The following DNAH7 variants were observed in gnomAD, a reference collection of about 807,000 sequenced individuals.
DNAH7 encodes dynein axonemal heavy chain 7, also known as axonemal beta dynein heavy chain 7.
Under a neutral mutation model 444.6 loss-of-function variants are expected in DNAH7, and 397 were observed. That is an observed-to-expected ratio of 0.89 (90% CI 0.82 to 0.97). The LOEUF (loss-of-function observed/expected upper bound fraction) is 0.97, where lower values mean the gene tolerates loss of function less well. Among genes scored for constraint, DNAH7 ranks in the 50% least tolerant of loss-of-function variants. The probability of loss-of-function intolerance (pLI) is 0.00; values close to 1 mark genes in which losing one functional copy is unlikely to be tolerated. For missense variants in DNAH7, 4,902 were observed against 4,800.8 expected (o/e 1.02, Z -0.62); for synonymous variants, 1,636 against 1,624.4 (o/e 1.01, Z -0.17).
intron 27 of DNAH7, chr2:195,903,716 A>C (rs1337171055): frequency 6.6e-6 from 1 of 152,186 alleles, no homozygotes; most frequent in Non-Finnish European, 1.5e-5. Context: ...TGCAAAGGAA[A>C]TGTCTACAAC....
At chr2:196,060,668 G>A (rs1698086394) in intron 1 of DNAH7, among the ~76,000 whole-genome samples, 1 of 152,054 alleles carries the variant, frequency 6.6e-6, no homozygotes, top group Admixed American at 6.6e-5. Context: ...TCTAGCAATT[G>A]CCCGATTTTT....
intron 8 of DNAH7, among the ~76,000 whole-genome samples, chr2:196,020,150 T>C (rs1695286513): frequency 1.3e-5 from 2 of 151,490 alleles, no homozygotes; most frequent in African/African-American, 4.9e-5. Context: ...GAATTCAGTA[T>C]ATAATACATA....
Position 195,864,708 on chromosome 2 carries a change from A to C in DNAH7, c.6947T>G (p.Phe2316Cys), listed in dbSNP as rs1180646718. 1 of 1,614,194 alleles carries C rather than the reference A, an allele frequency of 6.2e-7. No homozygotes were observed. The highest frequency in any genetic ancestry group is 1.7e-5 in the Admixed American group (1 of 60,024). The change falls in exon 41 of 65, where the codon TTT (phenylalanine) becomes TGT (cysteine). Residue 2316 changes from phenylalanine to cysteine, a missense_variant. Phe to Cys is a radical substitution (Grantham distance 205). Coordinates refer to ENST00000312428, the MANE Select transcript of DNAH7 (RefSeq NM_018897.3). ...ISKKPMNLVL[F>C]RFAIEHISRI... ...GCTGATGTGCTCTATGGCAAATCGA[A>C]ACAAGACAAGGTTCATGGGTTTTTT...
intron 10 of DNAH7, among the ~76,000 whole-genome samples, chr2:196,010,709 G>A (rs1319980924): frequency 1.3e-5 from 2 of 152,108 alleles, no homozygotes; most frequent in African/African-American, 4.8e-5. Context: ...AGAAAATATA[G>A]TGTGTGTATG....
rs746846358 is a variant in DNAH7, at chr2:195,864,829, G to T, written c.6826C>A (p.Pro2276Thr). The T allele has an allele frequency of 1.2e-6, 2 of 1,614,158 alleles. No homozygotes were observed. Among genetic ancestry groups the T allele is most frequent in the Middle Eastern group, 1.6e-4 (1 of 6,062 alleles). Residue 2276 changes from proline to threonine, a missense_variant, in exon 41 of 65, where the codon CCC becomes ACC. By Grantham distance (38) the Pro-to-Thr change is conservative. Transcript: ENST00000312428. ...RSLMFCDFHD[P>T]KREDTNYREI... ...CTGTAGTTGGTATCCTCCCTCTTGG[G>T]ATCATGGAAATCACAAAACATTAAG...
intron 24 of DNAH7, among the ~76,000 whole-genome samples, chr2:195,914,462 G>T (rs1687547657): frequency 6.6e-6 from 1 of 152,210 alleles, no homozygotes; most frequent in Non-Finnish European, 1.5e-5. Flanking sequence ...TTCTTCAAGT[G>T]ATTGGGCCTG....
intron 27 of DNAH7, chr2:195,904,033 C>T (rs1686866639): frequency 6.6e-6 from 1 of 152,192 alleles, no homozygotes; most frequent in South Asian, 2.1e-4. Flanking sequence ...TAAGTGCTGC[C>T]CTACATACCT....
intron 21 of DNAH7, among the ~76,000 whole-genome samples, chr2:195,933,302 G>A (rs564497194): frequency 6.6e-6 from 1 of 152,306 alleles, no homozygotes; most frequent in East Asian, 1.9e-4. Context: ...CTGTTGGCGG[G>A]ACTGTAAACT....
chr2:195,818,437 G>A (rs1697320042), intron 49 of DNAH7, among the ~76,000 whole-genome samples: 2 of 152,084 alleles, frequency 1.3e-5, no homozygotes, highest in African/African-American at 4.8e-5. Context: ...GGACCTAATT[G>A]CTCTTACAGG....
intron 7 of DNAH7, among the ~76,000 whole-genome samples, chr2:196,026,495 T>A (rs1033797522): frequency 6.6e-6 from 1 of 152,188 alleles, no homozygotes; most frequent in Non-Finnish European, 1.5e-5. Flanking sequence ...ATAAATATCT[T>A]GAGGGATTGA....
chr2:196,050,878 A>G (rs1174718214), intron 3 of DNAH7, among the ~76,000 whole-genome samples: 1 of 152,248 alleles, frequency 6.6e-6, no homozygotes, highest in Non-Finnish European at 1.5e-5. Context: ...CAAAGGGCAC[A>G]GAGCCATTAG....
chr2:195,881,938 G>A lies in DNAH7; in HGVS notation c.5818C>T (p.Pro1940Ser), dbSNP rs754916836. 2.5e-6 allele frequency: 4 copies of A among 1,613,866 alleles called. No individual in the cohort carries two copies. In the East Asian group the frequency reaches 6.7e-5, roughly 27 times the overall value. The change falls in exon 36 of 65, where the codon CCT becomes TCT. Residue 1940 changes from proline (P) to serine (S), a missense_variant. Physicochemically the swap from Pro to Ser is moderately conservative, Grantham distance 74 (BLOSUM62 -1). Transcript: ENST00000312428. The part of the protein sequence containing the change: ...IKKLKEAPPI[P>S]KDVMFNEIIV... Reference sequence around the variant, plus strand: ...ATTTCATTAAACATTACATCTTTAGGAATTGGAGGAGCTTCTTTCAATTTC... The same window carrying A: ...ATTTCATTAAACATTACATCTTTAGAAATTGGAGGAGCTTCTTTCAATTTC...
At chr2:196,047,536 T>C in intron 4 of DNAH7, 37 bp from the exon 5 acceptor site, 2 of 1,493,324 alleles carry the variant, frequency 1.3e-6, no homozygotes, top group South Asian at 1.4e-5. Flanking sequence ...CAATTATTCA[T>C]CTAAAAGGTA....
chr2:195,901,193 G>A (rs1686684292), intron 27 of DNAH7: 1 of 151,874 alleles, frequency 6.6e-6, no homozygotes, highest in Admixed American at 6.6e-5. Context: ...TGAGGTGGTG[G>A]GTAAGTTGAT....
At chr2:195,913,144 A>C (rs1453534410) in intron 24 of DNAH7, among the ~76,000 whole-genome samples, 1 of 152,122 alleles carries the variant, frequency 6.6e-6, no homozygotes, top group African/African-American at 2.4e-5. Flanking sequence ...TTGCATCCTA[A>C]AACTGGTTTA....
chr2:195,859,997 A>T (rs1236429578), intron 42 of DNAH7, among the ~76,000 whole-genome samples: 1 of 152,162 alleles, frequency 6.6e-6, no homozygotes, highest in Non-Finnish European at 1.5e-5. Flanking sequence ...AAGAATAATC[A>T]CAGGATAGGA....
At chr2:195,993,461 A>G (rs1693483860) in intron 12 of DNAH7, among the ~76,000 whole-genome samples, 1 of 152,254 alleles carries the variant, frequency 6.6e-6, no homozygotes, top group South Asian at 2.1e-4. Flanking sequence ...CAAAGAACTA[A>G]GTAGGCATTT....
intron 52 of DNAH7, 67 bp downstream of exon 52, chr2:195,809,678 C>T: frequency 7.4e-7 from 1 of 1,350,192 alleles, no homozygotes; most frequent in East Asian, 2.8e-5. Context: ...TATTCCCATA[C>T]AAATTAATAA....
intron 45 of DNAH7, among the ~76,000 whole-genome samples, chr2:195,854,799 G>A (rs1699596669): frequency 6.6e-6 from 1 of 152,038 alleles, no homozygotes; most frequent in Non-Finnish European, 1.5e-5. Context: ...ACATATAGGA[G>A]AGTTGAAAAA....
Sources: allele counts gnomAD v4.1 joint callset (sites outside exome capture counted in the v4.1 genomes callset), GRCh38; gene constraint gnomAD v4.1.1; transcripts MANE v1.5; gene names NCBI Gene and HGNC (gene_info 2026-07-23, HGNC 2026-07-21).